BMP7: variants seen among roughly 807,000 people sequenced by gnomAD.
The protein encoded by BMP7 is bone morphogenetic protein 7.
Under a neutral mutation model 41.2 loss-of-function variants are expected in BMP7, and 12 were observed. The observed-to-expected ratio is 0.29, with a 90% CI of 0.19 to 0.47. BMP7 has a LOEUF of 0.47. Ranked by LOEUF, BMP7 falls within the 20% of genes least tolerant of loss-of-function variation. BMP7 has a pLI of 0.99. For synonymous variants in BMP7, 248 were observed against 250.0 expected, an observed-to-expected ratio of 0.99 and a Z score of 0.07; for missense variants, 467 against 606.0, an observed-to-expected ratio of 0.77 and a Z score of 2.41.
chr20:57,173,690 C>T (rs1481233101), intron 5 of BMP7: 1 of 331,444 alleles, frequency 3.0e-6, no homozygotes, highest in East Asian at 7.3e-5. Context: ...TTGGCTGATC[C>T]TAAAATGGAC....
intron 1 of BMP7, among the ~76,000 whole-genome samples, chr20:57,253,032 C>T (rs1047455483): frequency 5.3e-5 from 8 of 152,178 alleles, no homozygotes; most frequent in African/African-American, 1.7e-4. Flanking sequence ...GCACACTAAA[C>T]GTACTAAAAA....
chr20:57,239,746 C>T (rs567582998), intron 1 of BMP7, among the ~76,000 whole-genome samples: 6 of 152,364 alleles, frequency 3.9e-5, no homozygotes, highest in African/African-American at 1.2e-4. Flanking sequence ...GACTTCTGTG[C>T]ACCCACAGGC....
At chr20:57,239,725 C>A (rs550477770) in intron 1 of BMP7, among the ~76,000 whole-genome samples, 1 of 152,242 alleles carries the variant, frequency 6.6e-6, no homozygotes, top group African/African-American at 2.4e-5. Context: ...GATTCCCAAA[C>A]CTCAATTCTT....
At chr20:57,249,841 A>G (rs1168313011) in intron 1 of BMP7, among the ~76,000 whole-genome samples, 1 of 152,154 alleles carries the variant, frequency 6.6e-6, no homozygotes, top group African/African-American at 2.4e-5. Flanking sequence ...CTGTTTACTG[A>G]GAGTTCCCTG....
At chr20:57,220,461 C>T (rs77065653) in intron 2 of BMP7, among the ~76,000 whole-genome samples, 2,301 of 152,336 alleles carry the variant, frequency 0.015, 23 homozygotes, top group South Asian at 0.061. Flanking sequence ...TGATTCGAAA[C>T]ATAGATGTTA....
In BMP7 at chr20:57,259,239, T is replaced by A. The variant is rs760857031; in HGVS notation, c.418+6466A>T. Reference sequence around the variant, plus strand: ...CCCCACCCCATATATCACCCAGAATTAGCTGCAAAGTGTCAGGAGACTTGG... The same window carrying A: ...CCCCACCCCATATATCACCCAGAATAAGCTGCAAAGTGTCAGGAGACTTGG... On this transcript the variant is annotated intron_variant, in intron 1 of 6. Transcript: ENST00000395863. This position sits in a 1 kb window ranked among gnomAD's most constrained non-coding sequence, Gnocchi z 4.7. Among the ~76,000 whole-genome samples the A allele has an allele frequency of 6.6e-6, 1 of 151,880 alleles. No individual in the cohort carries two copies. Among genetic ancestry groups the A allele is most frequent in the African/African-American group, 2.4e-5 (1 of 41,318 alleles).
intron 2 of BMP7, among the ~76,000 whole-genome samples, chr20:57,203,751 C>A (rs532416780): frequency 3.3e-5 from 5 of 152,152 alleles, no homozygotes; most frequent in Non-Finnish European, 5.9e-5. Context: ...GTACCAGAAA[C>A]CAAGGCATAA....
intron 3 of BMP7, 55 bp from the exon 4 acceptor site, chr20:57,183,974 G>A (rs761211959): frequency 6.1e-5 from 96 of 1,585,150 alleles, no homozygotes; most frequent in Middle Eastern, 1.7e-4. Flanking sequence ...GGCCACGAGC[G>A]GGACAGGGCT....
chr20:57,189,113 G>GT (rs1427570391), intron 3 of BMP7, among the ~76,000 whole-genome samples: 4 of 152,196 alleles, frequency 2.6e-5, no homozygotes, highest in African/African-American at 9.7e-5. Flanking sequence ...CAACAGCTAG[G>GT]TCTTTTTGTC....
At chr20:57,264,480 G>T (rs1568733989) in intron 1 of BMP7, among the ~76,000 whole-genome samples, 1 of 152,218 alleles carries the variant, frequency 6.6e-6, no homozygotes, top group Admixed American at 6.5e-5. Flanking sequence ...CTGCCGGGGG[G>T]TTAGTTTGAG....
chr20:57,214,908 G>T lies in BMP7; in HGVS notation c.612-12285C>A. On this transcript the variant is annotated intron_variant, in intron 2 of 6. Transcript: ENST00000395863. This position sits in a 1 kb window ranked among gnomAD's most constrained non-coding sequence, Gnocchi z 4.0. ...AGCACAAAGCAGGCCTCAGATGCAC[G>T]CTGGACAAATGTGCTGGTATCCTCT... 1 of 152,380 alleles carries T rather than the reference G, an allele frequency of 6.6e-6. No homozygotes were observed. 9.4% of individuals were successfully genotyped at this position (152,380 alleles called of 1,614,324 possible). A position where few individuals can be genotyped will look rare whatever the true frequency, so the allele number is the denominator to read the frequency against.
At chr20:57,226,211 A>C (rs2025023) in intron 2 of BMP7, among the ~76,000 whole-genome samples, 33,782 of 152,214 alleles carry the variant, frequency 0.22, 4,226 homozygotes, top group East Asian at 0.33. Context: ...CCAGGTGCCC[A>C]CAAAGCCAGC....
chr20:57,244,166 T>A (rs2066080663), intron 1 of BMP7: 1 of 152,242 alleles, frequency 6.6e-6, no homozygotes, highest in Non-Finnish European at 1.5e-5. Flanking sequence ...TTCCAGCATG[T>A]CTAAGGTGGG....
Position 57,195,497 on chromosome 20 carries a change from T to G in BMP7, c.760+6978A>C, listed in dbSNP as rs570551129. Among the ~76,000 whole-genome samples the G allele has an allele frequency of 5.7e-4, 87 of 152,322 alleles. 1 individual carries two copies. The South Asian group carries it at 0.016, about 28-fold the overall frequency. On this transcript the variant is annotated intron_variant, in intron 3 of 6. Coordinates refer to ENST00000395863, the MANE Select transcript of BMP7 (RefSeq NM_001719.3). ...CCCTGGAAGGACCGATCCCCGCCACTGGGTCATCAGGCTTTCTCTTTTCTC... is the reference window on the plus strand; with the variant it reads ...CCCTGGAAGGACCGATCCCCGCCACGGGGTCATCAGGCTTTCTCTTTTCTC...
rs181376289 is a variant in BMP7, at chr20:57,246,845, C to T, written c.419-18424G>A. 3.4e-4 allele frequency among the ~76,000 whole-genome samples: 51 copies of T among 152,084 alleles called. 1 individual carries two copies. The East Asian group carries it at 8.7e-3, about 26-fold the overall frequency. ...CCCTACTAAAAGTACAAAAATTAGC[C>T]GGGCATGGTGGCACGTGCCTGTACT... On this transcript the variant is annotated intron_variant, in intron 1 of 6. Coordinates refer to ENST00000395863, the MANE Select transcript of BMP7 (RefSeq NM_001719.3).
At chr20:57,262,706 G>A (rs2066158834) in intron 1 of BMP7, among the ~76,000 whole-genome samples, 1 of 152,086 alleles carries the variant, frequency 6.6e-6, no homozygotes, top group Non-Finnish European at 1.5e-5. Context: ...AGCAGAGGCT[G>A]CCAAGATCCT....
At chr20:57,248,188 G>A (rs2066097756) in intron 1 of BMP7, among the ~76,000 whole-genome samples, 1 of 152,152 alleles carries the variant, frequency 6.6e-6, no homozygotes, top group Non-Finnish European at 1.5e-5. Flanking sequence ...TGCATACAGT[G>A]GAACCACATC....
At chr20:57,201,449 AG>A (rs1482396398) in intron 3 of BMP7, among the ~76,000 whole-genome samples, 1 of 152,170 alleles carries the variant, frequency 6.6e-6, no homozygotes, top group Non-Finnish European at 1.5e-5. Context: ...TTTATGGGAG[AG>A]GGGAAAAACA....
At chr20:57,256,949 A>T (rs906035356) in intron 1 of BMP7, among the ~76,000 whole-genome samples, 11 of 152,228 alleles carry the variant, frequency 7.2e-5, no homozygotes, top group Non-Finnish European at 1.2e-4. Context: ...TTTGTACTTC[A>T]TAAAACAGAC....
Sources: gnomAD v4.1 joint callset for allele counts (sites outside exome capture counted in the v4.1 genomes callset) on GRCh38, gnomAD v4.1.1 for gene constraint, Gnocchi (gnomAD v3.1) non-coding constraint, MANE v1.5 for transcripts, NCBI Gene and HGNC (gene_info 2026-07-23, HGNC 2026-07-21) for gene names.